VWDE: variants seen among roughly 807,000 people sequenced by gnomAD.
The protein encoded by VWDE is von Willebrand factor D and EGF domain-containing protein.
VWDE carries 207 observed loss-of-function variants against 178.4 expected under a neutral mutation model. The ratio of observed to expected loss-of-function variants is 1.16; its 90% CI spans 1.04 to 1.30. VWDE has a LOEUF of 1.30. Among genes scored for constraint, VWDE ranks in the 50% most tolerant of loss-of-function variants. VWDE has a pLI of 0.00. For missense variants in VWDE, 2,287 were observed against 1,901.3 expected, an observed-to-expected ratio of 1.20 and a Z score of -3.77; for synonymous variants, 738 against 651.4, an observed-to-expected ratio of 1.13 and a Z score of -2.02.
Position 12,370,257 on chromosome 7 carries a change from C to CT in VWDE, c.2048dup (p.His684AlafsTer8). ...GATTATATTCTTCTGGAGATGTATG[C>CT]TTGTTTATCTCTCTGACAAGAGTGT... On this transcript the variant is annotated frameshift_variant, in exon 12 of 29. Transcript: ENST00000275358. LOFTEE classifies it high-confidence loss of function. 6.4e-7 allele frequency: 1 copy of CT among 1,550,958 alleles called. No individual in the cohort carries two copies. The highest frequency in any genetic ancestry group is 8.7e-7 in the Non-Finnish European group (1 of 1,146,814).
At chr7:12,391,584 G>C (rs1331894244) in intron 2 of VWDE, among the ~76,000 whole-genome samples, 1 of 152,128 alleles carries the variant, frequency 6.6e-6, no homozygotes, top group Non-Finnish European at 1.5e-5. Flanking sequence ...ATTTTCTCAA[G>C]CTTTTCTTTT....
intron 3 of VWDE, among the ~76,000 whole-genome samples, chr7:12,388,087 CA>C (rs549452595): frequency 1.0e-3 from 152 of 152,218 alleles, no homozygotes; most frequent in African/African-American, 3.5e-3. Context: ...TTGCATTATT[CA>C]TTATTTTCTA....
At chr7:12,385,650 A>G (rs1308866411) in intron 3 of VWDE, among the ~76,000 whole-genome samples, 1 of 152,218 alleles carries the variant, frequency 6.6e-6, no homozygotes, top group African/African-American at 2.4e-5. Context: ...GTTCAGTAAG[A>G]AAAAGAAACT....
chr7:12,382,112 TTTA>T (rs1343650863), intron 4 of VWDE, among the ~76,000 whole-genome samples: 3 of 152,048 alleles, frequency 2.0e-5, no homozygotes, highest in Non-Finnish European at 4.4e-5. Flanking sequence ...ACCATGAAGC[TTTA>T]TTGACTTTTG....
At chr7:12,344,125 T>A in intron 21 of VWDE, 70 bp downstream of exon 21, 24 of 1,322,872 alleles carry the variant, frequency 1.8e-5, no homozygotes, top group Non-Finnish European at 2.5e-5. Context: ...AATTGTCTTG[T>A]AAAATGGTTT....
Position 12,343,115 on chromosome 7 carries a change from G to A in VWDE, c.4142C>T (p.Pro1381Leu), listed in dbSNP as rs1447536208. Residue 1381 changes from proline (P) to leucine (L), a missense_variant, in exon 22 of 29, where the codon CCT becomes CTT. Coordinates refer to ENST00000275358, the MANE Select transcript of VWDE (RefSeq NM_001135924.3). ...ACACCTTGGTCCTACAAAACCATAA[G>A]GACAAGTGCAGAGATTCCCAGCCAA... The part of the protein sequence containing the change: ...TCLAGNLCTC[P>L]YGFVGPRCET... The A allele has an allele frequency of 6.5e-7, 1 of 1,549,582 alleles. No individual in the cohort carries two copies. The highest frequency in any genetic ancestry group is 8.7e-7 in the Non-Finnish European group (1 of 1,145,686).
intron 1 of VWDE, among the ~76,000 whole-genome samples, chr7:12,396,575 A>T (rs1289781903): frequency 6.6e-6 from 1 of 152,196 alleles, no homozygotes; most frequent in African/African-American, 2.4e-5. Context: ...TTCAAAATAG[A>T]ATTTTGTTGG....
intron 13 of VWDE, among the ~76,000 whole-genome samples, chr7:12,363,293 T>A (rs1221895233): frequency 2.0e-5 from 3 of 151,698 alleles, no homozygotes; most frequent in African/African-American, 7.3e-5. Flanking sequence ...TTCACATGAA[T>A]GGAGGGAATA....
At chr7:12,380,955 A>G (rs1223444437) in intron 4 of VWDE, among the ~76,000 whole-genome samples, 3 of 152,218 alleles carry the variant, frequency 2.0e-5, no homozygotes, top group Non-Finnish European at 4.4e-5. Context: ...GCTCAAGCTT[A>G]TATTAATGCA....
chr7:12,393,255 C>A (rs1162299907), intron 2 of VWDE, among the ~76,000 whole-genome samples: 1 of 152,184 alleles, frequency 6.6e-6, no homozygotes, highest in African/African-American at 2.4e-5. Flanking sequence ...ATTCAAAACT[C>A]AGCTTTTTGA....
chr7:12,380,617 A>C lies in VWDE; in HGVS notation c.658T>G (p.Ser220Ala). 6.4e-7 allele frequency: 1 copy of C among 1,552,308 alleles called. No homozygotes were observed. The highest frequency in any genetic ancestry group is 8.7e-7 in the Non-Finnish European group (1 of 1,147,126). Residue 220 changes from serine to alanine, a missense_variant, in exon 5 of 29, where the codon TCA (serine) becomes GCA (alanine). Transcript: ENST00000275358. ...CSFDVPATKN[S>A]VGFHIAWSRL... ...GACCAAGCTATGTGAAATCCCACTG[A>C]GTTTTTTGTAGCGGGAACATCAAAA...
At chr7:12,392,181 C>A (rs1322085941) in intron 2 of VWDE, among the ~76,000 whole-genome samples, 1 of 152,162 alleles carries the variant, frequency 6.6e-6, no homozygotes, top group Non-Finnish European at 1.5e-5. Flanking sequence ...GTGTCCACAT[C>A]TTTATAATGA....
intron 9 of VWDE, among the ~76,000 whole-genome samples, chr7:12,373,826 C>T (rs942322234): frequency 6.6e-6 from 1 of 152,096 alleles, no homozygotes; most frequent in Non-Finnish European, 1.5e-5. Context: ...ACATTCATCA[C>T]TACTACACTT....
Position 12,380,573 on chromosome 7 carries a change from T to G in VWDE, c.702A>C (p.Glu234Asp). The change falls in exon 5 of 29, where the codon GAA (glutamate) becomes GAC (aspartate). Residue 234 changes from glutamate to aspartate, a missense_variant. Physicochemically the swap from Glu to Asp is conservative, Grantham distance 45. Transcript: ENST00000275358. The part of the protein sequence containing the change: ...HIAWSRLSSQ[E>D]VKEELTQETT... ...TCTCTTGTGTCAGCTCCTCTTTGAC[T>G]TCTTGAGAAGAAAGCCTAGACCAAG... 7 of 1,552,234 alleles carry G rather than the reference T, an allele frequency of 4.5e-6. No individual in the cohort carries two copies. The highest frequency in any genetic ancestry group is 6.1e-6 in the Non-Finnish European group (7 of 1,147,106).
intron 1 of VWDE, among the ~76,000 whole-genome samples, chr7:12,399,751 G>A (rs942974052): frequency 5.3e-5 from 8 of 152,226 alleles, no homozygotes; most frequent in East Asian, 3.9e-4. Context: ...GGAGGTTGAC[G>A]TGGGAGAATT....
intron 12 of VWDE, among the ~76,000 whole-genome samples, chr7:12,367,695 A>G (rs1342247879): frequency 1.3e-5 from 2 of 152,096 alleles, no homozygotes; most frequent in South Asian, 2.1e-4. Flanking sequence ...CAAACCAATA[A>G]TAATATTACA....
chr7:12,370,615 C>A, intron 11 of VWDE, 41 bp downstream of exon 11: 1 of 1,542,562 alleles, frequency 6.5e-7, no homozygotes. Flanking sequence ...CGTTTTAAGT[C>A]TAATATTAAT....
At chr7:12,384,427 A>C (rs1013630159) in intron 3 of VWDE, among the ~76,000 whole-genome samples, 2 of 152,122 alleles carry the variant, frequency 1.3e-5, no homozygotes, top group African/African-American at 4.8e-5. Flanking sequence ...TAGTGGATAC[A>C]CGTTATGAGA....
At chr7:12,359,469 T>G in intron 16 of VWDE, 109 bp downstream of exon 16, 1 of 665,528 alleles carries the variant, frequency 1.5e-6, no homozygotes, top group Non-Finnish European at 2.5e-6. Context: ...AGATGCTAAA[T>G]TAAACACAGA....
Sources: gnomAD v4.1 joint callset for allele counts (sites outside exome capture counted in the v4.1 genomes callset) on GRCh38, gnomAD v4.1.1 for gene constraint, MANE v1.5 for transcripts, NCBI Gene and HGNC (gene_info 2026-07-23, HGNC 2026-07-21) for gene names.